Variants in CLYBL observed in about 807,000 individuals in gnomAD.
CLYBL encodes the protein citramalyl-CoA lyase, mitochondrial.
CLYBL carries 31 observed loss-of-function variants against 38.9 expected under a neutral mutation model. That is an observed-to-expected ratio of 0.80 (90% CI 0.60 to 1.08). The LOEUF (loss-of-function observed/expected upper bound fraction) is 1.08. CLYBL is among the 50% of genes least tolerant of loss of function. The pLI is 0.00. For missense variants in CLYBL, 434 were observed against 411.6 expected (o/e 1.05, Z -0.47); for synonymous variants, 171 against 158.6 (o/e 1.08, Z -0.59).
chr13:99,825,189 C>T (rs917065876), intron 2 of CLYBL, among the ~76,000 whole-genome samples: 10 of 152,196 alleles, frequency 6.6e-5, no homozygotes, highest in Non-Finnish European at 7.4e-5. Context: ...AGCAACAAGC[C>T]CTGGGGGAGT....
chr13:99,835,913 A>T (rs2050924291), intron 2 of CLYBL, among the ~76,000 whole-genome samples: 2 of 152,214 alleles, frequency 1.3e-5, no homozygotes, highest in African/African-American at 4.8e-5. Flanking sequence ...AAAATCTGAC[A>T]GTGAGCTGAC....
At chr13:99,851,004 C>T (rs2051315898) in intron 2 of CLYBL, among the ~76,000 whole-genome samples, 1 of 152,034 alleles carries the variant, frequency 6.6e-6, no homozygotes, top group South Asian at 2.1e-4. Flanking sequence ...TTAGAGGTTA[C>T]CAGGAGCTAG....
intron 1 of CLYBL, among the ~76,000 whole-genome samples, chr13:99,626,104 A>G (rs914141828): frequency 1.3e-5 from 2 of 152,222 alleles, no homozygotes; most frequent in Non-Finnish European, 2.9e-5. Context: ...CGAAGATGCC[A>G]TGGCCGGTGG....
At chr13:99,618,036 T>C (rs774590159) in intron 1 of CLYBL, among the ~76,000 whole-genome samples, 1 of 152,202 alleles carries the variant, frequency 6.6e-6, no homozygotes, top group Non-Finnish European at 1.5e-5. Flanking sequence ...ACATGCTTAT[T>C]TGTTTATTGT....
chr13:99,850,602 G>A (rs1284870164), intron 2 of CLYBL, among the ~76,000 whole-genome samples: 1 of 152,192 alleles, frequency 6.6e-6, no homozygotes, highest in Non-Finnish European at 1.5e-5. Context: ...CAGCCGCTGT[G>A]GAAAACAGTT....
chr13:99,725,727 A>G (rs1465620688), intron 1 of CLYBL, among the ~76,000 whole-genome samples: 1 of 152,230 alleles, frequency 6.6e-6, no homozygotes, highest in East Asian at 1.9e-4. Context: ...CGGTATCCGT[A>G]CATTTCCACG....
chr13:99,774,214 C>A (rs2049461744), intron 2 of CLYBL, among the ~76,000 whole-genome samples: 6 of 152,116 alleles, frequency 3.9e-5, no homozygotes, highest in Admixed American at 3.9e-4. Flanking sequence ...GCTTGGGCAA[C>A]AGAGTGAGAC....
At chr13:99,844,290 T>C (rs2051150052) in intron 2 of CLYBL, among the ~76,000 whole-genome samples, 1 of 152,216 alleles carries the variant, frequency 6.6e-6, no homozygotes, top group Non-Finnish European at 1.5e-5. Context: ...AACCTCTCTG[T>C]TCTTCAGGCA....
At chr13:99,689,806 A>G (rs1857302296) in intron 1 of CLYBL, among the ~76,000 whole-genome samples, 1 of 152,196 alleles carries the variant, frequency 6.6e-6, no homozygotes, top group Non-Finnish European at 1.5e-5. Flanking sequence ...ACTTTGACCA[A>G]CACCAAACTT....
At chr13:99,646,561 T>G (rs1273128574) in intron 1 of CLYBL, among the ~76,000 whole-genome samples, 1 of 105,734 alleles carries the variant, frequency 9.5e-6, no homozygotes, top group Non-Finnish European at 2.1e-5. Context: ...GCACCCCGGC[T>G]GGAGTGCAGT....
chr13:99,867,532 G>T (rs561921023), intron 6 of CLYBL, among the ~76,000 whole-genome samples: 1 of 151,926 alleles, frequency 6.6e-6, no homozygotes, highest in Admixed American at 6.6e-5. Context: ...GTGTGATCTC[G>T]TATAGGGAAA....
intron 7 of CLYBL, among the ~76,000 whole-genome samples, chr13:99,872,072 C>T (rs1037618125): frequency 6.6e-6 from 1 of 151,878 alleles, no homozygotes; most frequent in Non-Finnish European, 1.5e-5. Flanking sequence ...ACATGTCCCT[C>T]GCACTTTTCA....
intron 7 of CLYBL, among the ~76,000 whole-genome samples, chr13:99,874,580 G>A (rs2051991612): frequency 6.6e-6 from 1 of 151,862 alleles, no homozygotes; most frequent in Non-Finnish European, 1.5e-5. Context: ...GTAAAAATTG[G>A]ATACTTGAAA....
chr13:99,844,797 C>T (rs1000282399), intron 2 of CLYBL, among the ~76,000 whole-genome samples: 1 of 152,212 alleles, frequency 6.6e-6, no homozygotes, highest in Admixed American at 6.5e-5. Context: ...AAGTCTTCCC[C>T]ATAGCCTGAG....
At chr13:99,609,807 A>G (rs1444209082) in intron 1 of CLYBL, among the ~76,000 whole-genome samples, 1 of 152,152 alleles carries the variant, frequency 6.6e-6, no homozygotes, top group African/African-American at 2.4e-5. Context: ...TAGTATTGGG[A>G]TTACAGGCAT....
intron 2 of CLYBL, among the ~76,000 whole-genome samples, chr13:99,795,440 G>A (rs1009437792): frequency 6.6e-6 from 1 of 152,056 alleles, no homozygotes; most frequent in East Asian, 1.9e-4. Context: ...GATCACTTGA[G>A]GCCAGGAGTT....
chr13:99,832,720 T>C (rs1418775693), intron 2 of CLYBL, among the ~76,000 whole-genome samples: 2 of 151,922 alleles, frequency 1.3e-5, no homozygotes, highest in Admixed American at 6.6e-5. Flanking sequence ...AATTAGGAAC[T>C]TGGCTTTCAT....
intron 7 of CLYBL, among the ~76,000 whole-genome samples, chr13:99,882,474 G>A (rs1182867064): frequency 6.6e-6 from 1 of 152,056 alleles, no homozygotes; most frequent in Non-Finnish European, 1.5e-5. Flanking sequence ...GGACAACAGG[G>A]CAAAACCCCA....
intron 6 of CLYBL, 34 bp downstream of exon 6, chr13:99,866,441 T>G (rs374686034): frequency 1.3e-6 from 2 of 1,583,456 alleles, no homozygotes; most frequent in African/African-American, 2.7e-5. Flanking sequence ...AGTGTCTAAA[T>G]TAGCAAGCAT....
Sources: gnomAD v4.1 joint callset for allele counts (sites outside exome capture counted in the v4.1 genomes callset) on GRCh38, gnomAD v4.1.1 for gene constraint, MANE v1.5 for transcripts, NCBI Gene and HGNC (gene_info 2026-07-23, HGNC 2026-07-21) for gene names.